CGB2: variants seen among roughly 807,000 people sequenced by gnomAD.
The protein encoded by CGB2 is choriogonadotropin subunit beta variant 2.
Under a neutral mutation model 7.1 loss-of-function variants are expected in CGB2, and 4 were observed. That is an observed-to-expected ratio of 0.57 (90% CI 0.28 to 1.29). The LOEUF is 1.29. Among genes scored for constraint, CGB2 ranks in the 50% most tolerant of loss-of-function variants. The probability of loss-of-function intolerance (pLI) is 0.10; values close to 1 mark genes in which losing one functional copy is unlikely to be tolerated. For synonymous variants in CGB2, 51 were observed against 100.3 expected (o/e 0.51, Z 2.94); for missense variants, 88 against 224.0 (o/e 0.39, Z 3.88).
chr19:49,032,213 G>C (rs113992714), intron 1 of CGB2, 109 bp downstream of exon 1: 1 of 1,613,790 alleles, frequency 6.2e-7, no homozygotes, highest in Non-Finnish European at 8.5e-7. Flanking sequence ...GGCATGAGAA[G>C]GGGCAGACCA....
In CGB2 at chr19:49,031,925, G is replaced by A; in HGVS notation, c.-171G>A. ...CCGTGGCGCCCCCTGGAGGGAGGAA[G>A]GGGAACTGTATCTGAGAGAGAGCAG... is the stretch of plus-strand genomic sequence containing the variant. On this transcript the variant is annotated 5_prime_UTR_variant, in exon 1 of 3. Transcript: ENST00000359342. 1 of 839,070 alleles carries A rather than the reference G, an allele frequency of 1.2e-6. No individual in the cohort carries two copies. The highest frequency in any genetic ancestry group is 1.9e-6 in the Non-Finnish European group (1 of 515,004). The allele number at this position is 839,070 out of a possible 1,614,324, so 52.0% of individuals were successfully genotyped here.
Position 49,033,174 on chromosome 19 carries a change from C to T in CGB2, c.445C>T (p.Pro149Ser). 3 of 1,611,354 alleles carry T rather than the reference C, an allele frequency of 1.9e-6. No homozygotes were observed. The highest frequency in any genetic ancestry group is 2.2e-5 in the South Asian group (2 of 90,968). ...GGCCCCTCCCCCCAGCCTTCCAAGC[C>T]CATCCCGACTCCCGGGGCCCTCAGA... Reference protein sequence around the residue: ...SKAPPPSLPSPSRLPGPSDTP... With the variant: ...SKAPPPSLPSSSRLPGPSDTP... Residue 149 changes from proline (P) to serine (S), a missense_variant, in exon 3 of 3, where the codon CCA becomes TCA. Pro to Ser is a moderately conservative substitution (Grantham distance 74, BLOSUM62 -1). Around this residue, in one of 2 missense-constraint regions of CGB2, gnomAD observed 29 missense variants for 30.7 expected, o/e 0.94. Transcript: ENST00000359342.
chr19:49,031,938 TGA>T lies in CGB2; in HGVS notation c.-150_-149del, dbSNP rs971061169. 11 of 961,188 alleles carry T rather than the reference TGA, an allele frequency of 1.1e-5. No homozygotes were observed. In the Middle Eastern group the frequency reaches 6.3e-4, roughly 55 times the overall value. The allele number at this position is 961,188 out of a possible 1,614,324, so 59.5% of individuals were successfully genotyped here. The stretch of plus-strand genomic sequence containing the variant: ...TGGAGGGAGGAAGGGGAACTGTATC[TGA>T]GAGAGAGCAGCCAATTGGGTCCGCT... On this transcript the variant is annotated 5_prime_UTR_variant, in exon 1 of 3. Coordinates refer to ENST00000359342, the MANE Select transcript of CGB2 (RefSeq NM_033378.2).
Position 49,031,990 on chromosome 19 carries a change from C to T in CGB2, c.-106C>T, listed in dbSNP as rs925276326. ...TGACTCCGGCCGGGTTCCCGTGCCG[C>T]GTCCAACACCCCTCACTCCCTGTCT... On this transcript the variant is annotated 5_prime_UTR_variant, in exon 1 of 3. Transcript: ENST00000359342. The T allele has an allele frequency of 1.2e-5, 18 of 1,519,440 alleles. No individual in the cohort carries two copies. The highest frequency in any genetic ancestry group is 3.4e-5 in the Admixed American group (2 of 59,496). 94.1% of individuals were successfully genotyped at this position (1,519,440 alleles called of 1,614,324 possible). A position where few individuals can be genotyped will look rare whatever the true frequency, so the allele number is the denominator to read the frequency against.
rs1568657109 is a variant in CGB2 at position 49,032,686 on chromosome 19, G to T, written c.177+15G>T. 2 of 1,138,970 alleles carry T rather than the reference G, an allele frequency of 1.8e-6. No individual in the cohort carries two copies. The highest frequency in any genetic ancestry group is 1.5e-5 in the South Asian group (1 of 65,508). 70.6% of individuals were successfully genotyped at this position (1,138,970 alleles called of 1,614,324 possible). On this transcript the variant is annotated intron_variant, in intron 2 of 2. Transcript: ENST00000359342. ...GCCCCACCATGGTGAGCTGCCCGGG[G>T]CCGGGGCAGGTGCTGCCACCTCAGG...
chr19:49,032,149 C>T, intron 1 of CGB2, 45 bp downstream of exon 1: 1 of 1,613,928 alleles, frequency 6.2e-7, no homozygotes. Flanking sequence ...GGAGATGTTC[C>T]AGGAAAGACT....
intron 1 of CGB2, 118 bp downstream of exon 1, chr19:49,032,222 C>G: frequency 6.2e-7 from 1 of 1,613,398 alleles, no homozygotes; most frequent in South Asian, 1.1e-5. Context: ...AGGGGCAGAC[C>G]AGTGTGAGCT....
intron 1 of CGB2, 21 bp downstream of exon 1, chr19:49,032,125 C>G (rs747672721): frequency 6.2e-7 from 1 of 1,613,948 alleles, no homozygotes; most frequent in South Asian, 1.1e-5. Context: ...TCGACATTTC[C>G]AGGCACCAAA....
rs2039765588 is a variant in CGB2, at chr19:49,033,170, A to T, written c.441A>T (p.Pro147=). Residue 147 remains proline, a synonymous_variant, in exon 3 of 3, where the codon CCA becomes CCT. Transcript: ENST00000359342. The part of the protein sequence containing the change: ...SSSKAPPPSL[P]SPSRLPGPSD... ...CAAAGGCCCCTCCCCCCAGCCTTCC[A>T]AGCCCATCCCGACTCCCGGGGCCCT... The T allele has an allele frequency of 6.2e-7, 1 of 1,610,734 alleles. No individual in the cohort carries two copies. The highest frequency in any genetic ancestry group is 8.5e-7 in the Non-Finnish European group (1 of 1,179,802).
At position 49,032,121 on chromosome 19, in the gene CGB2, T is replaced by C; in HGVS notation, c.9+17T>C. ...ATGTCAAAGGTAGGGTAGATCGACA[T>C]TTCCAGGCACCAAAGATGGAGATGT... is the stretch of plus-strand genomic sequence containing the variant. On this transcript the variant is annotated intron_variant, in intron 1 of 2. Transcript: ENST00000359342. 2.5e-6 allele frequency: 4 copies of C among 1,613,904 alleles called. No individual in the cohort carries two copies. Among genetic ancestry groups the C allele is most frequent in the Non-Finnish European group, 2.5e-6 (3 of 1,179,828 alleles).
rs1443141509 is a variant in CGB2, at chr19:49,032,538, G to A, written c.44G>A (p.Gly15Glu). The A allele has an allele frequency of 1.3e-6, 2 of 1,574,160 alleles. No individual in the cohort carries two copies. ...LLLLLLLSMG[G>E]TWASKEPLRP... Reference sequence around the variant, plus strand: ...CTGTTGCTGCTGCTGAGCATGGGCGGGACATGGGCATCCAAGGAGCCGCTT... The same window carrying A: ...CTGTTGCTGCTGCTGAGCATGGGCGAGACATGGGCATCCAAGGAGCCGCTT... The change falls in exon 2 of 3, where the codon GGG (glycine) becomes GAG (glutamate). Residue 15 changes from glycine (G) to glutamate (E), a missense_variant. Coordinates refer to ENST00000359342, the MANE Select transcript of CGB2 (RefSeq NM_033378.2).
At chr19:49,032,339 G>T in intron 1 of CGB2, 165 bp from the exon 2 acceptor site, 1 of 1,579,406 alleles carries the variant, frequency 6.3e-7, no homozygotes, top group Non-Finnish European at 8.6e-7. Flanking sequence ...GATCCTCTGG[G>T]CTGTGGGGTG....
At position 49,032,111 on chromosome 19, in the gene CGB2, T is replaced by C; in HGVS notation, c.9+7T>C. On this transcript the variant is annotated splice_region_variant and intron_variant, in intron 1 of 2. Transcript: ENST00000359342. ...AGAGAGAGACATGTCAAAGGTAGGG[T>C]AGATCGACATTTCCAGGCACCAAAG... 2 of 1,613,864 alleles carry C rather than the reference T, an allele frequency of 1.2e-6. No individual in the cohort carries two copies. Among genetic ancestry groups the C allele is most frequent in the South Asian group, 2.2e-5 (2 of 91,074 alleles).
At position 49,032,682 on chromosome 19, in the gene CGB2, CG is replaced by C; in HGVS notation, c.177+15del. On this transcript the variant is annotated intron_variant, in intron 2 of 2. Coordinates refer to ENST00000359342, the MANE Select transcript of CGB2 (RefSeq NM_033378.2). ...TACTGCCCCACCATGGTGAGCTGCCCGGGGCCGGGGCAGGTGCTGCCACCTC... is the reference window on the plus strand; with the variant it reads ...TACTGCCCCACCATGGTGAGCTGCCCGGGCCGGGGCAGGTGCTGCCACCTC... 2 of 1,164,312 alleles carry C rather than the reference CG, an allele frequency of 1.7e-6. No individual in the cohort carries two copies. Among genetic ancestry groups the C allele is most frequent in the Non-Finnish European group, 2.4e-6 (2 of 849,036 alleles). The allele number at this position is 1,164,312 out of a possible 1,614,324, so 72.1% of individuals were successfully genotyped here.
Position 49,032,040 on chromosome 19 carries a change from A to G in CGB2, c.-56A>G. 6.2e-7 allele frequency: 1 copy of G among 1,612,400 alleles called. No individual in the cohort carries two copies. The highest frequency in any genetic ancestry group is 8.5e-7 in the Non-Finnish European group (1 of 1,178,524). ...TCACTCCCCCACGGAGACTCAATTT[A>G]CTTTCCATGTCCACATCCCCAGTGC... is the stretch of plus-strand genomic sequence containing the variant. On this transcript the variant is annotated 5_prime_UTR_variant, in exon 1 of 3. Transcript: ENST00000359342.
At position 49,032,078 on chromosome 19, in the gene CGB2, T is replaced by C; in HGVS notation, c.-18T>C. The C allele has an allele frequency of 1.9e-6, 3 of 1,613,838 alleles. No individual in the cohort carries two copies. The highest frequency in any genetic ancestry group is 2.5e-6 in the Non-Finnish European group (3 of 1,179,774). On this transcript the variant is annotated 5_prime_UTR_variant, in exon 1 of 3. Transcript: ENST00000359342. ...ACATCCCCAGTGCTTGCGGAAGATA[T>C]CCCGCTAAGAGAGAGACATGTCAAA...
At chr19:49,032,217 C>A (rs2039744779) in intron 1 of CGB2, 113 bp downstream of exon 1, 1 of 1,613,646 alleles carries the variant, frequency 6.2e-7, no homozygotes. Context: ...TGAGAAGGGG[C>A]AGACCAGTGT....
rs35414741 is a variant in CGB2, at chr19:49,032,117, G to C, written c.9+13G>C. Reference sequence around the variant, plus strand: ...AGACATGTCAAAGGTAGGGTAGATCGACATTTCCAGGCACCAAAGATGGAG... The same window carrying C: ...AGACATGTCAAAGGTAGGGTAGATCCACATTTCCAGGCACCAAAGATGGAG... On this transcript the variant is annotated intron_variant, in intron 1 of 2. Coordinates refer to ENST00000359342, the MANE Select transcript of CGB2 (RefSeq NM_033378.2). The C allele has an allele frequency of 1.4e-3, 2,240 of 1,613,546 alleles. 14 individuals are homozygous for C. In the African/African-American group the frequency reaches 0.018, roughly 13 times the overall value.
rs545834903 is a variant in CGB2, at chr19:49,032,268, C to G, written c.9+164C>G. ...GCCTCTTTCTGGAGGAGCGTGACCCCCAGTAAGCTTCAGGTGGGGCAGTTC... is the reference window on the plus strand; with the variant it reads ...GCCTCTTTCTGGAGGAGCGTGACCCGCAGTAAGCTTCAGGTGGGGCAGTTC... On this transcript the variant is annotated intron_variant, in intron 1 of 2. Transcript: ENST00000359342. The G allele has an allele frequency of 3.0e-4, 480 of 1,601,474 alleles. 3 individuals carry two copies. In the South Asian group the frequency reaches 5.0e-3, roughly 17 times the overall value.
Sources: allele counts gnomAD v4.1 joint callset, GRCh38; gene constraint gnomAD v4.1.1; regional missense constraint gnomAD v4.1.1; transcripts MANE v1.5; gene names NCBI Gene and HGNC (gene_info 2026-07-23, HGNC 2026-07-21).